NKAIN2: variants seen among roughly 807,000 people sequenced by gnomAD.
NKAIN2 encodes the protein sodium/potassium transporting ATPase interacting 2, also known as sodium/potassium-transporting ATPase subunit beta-1-interacting protein 2.
NKAIN2 carries 14 observed loss-of-function variants against 32.6 expected under a neutral mutation model. The ratio of observed to expected loss-of-function variants is 0.43; its 90% CI spans 0.28 to 0.67. The LOEUF (loss-of-function observed/expected upper bound fraction) is 0.67. NKAIN2 is among the 30% of genes least tolerant of loss of function. NKAIN2 has a pLI of 0.17. For synonymous variants in NKAIN2, 80 were observed against 87.2 expected (o/e 0.92, Z 0.46); for missense variants, 198 against 258.3 (o/e 0.77, Z 1.60).
intron 1 of NKAIN2, among the ~76,000 whole-genome samples, chr6:124,192,456 T>C (rs1173306992): frequency 1.3e-5 from 2 of 152,180 alleles, no homozygotes; most frequent in South Asian, 2.1e-4. Flanking sequence ...AAAGAACATA[T>C]TGTATAAGAC....
chr6:124,488,559 A>T (rs1342148161), intron 3 of NKAIN2, among the ~76,000 whole-genome samples: 1 of 152,004 alleles, frequency 6.6e-6, no homozygotes. Context: ...ATCATTTAAC[A>T]CATCTTTAAC....
intron 3 of NKAIN2, among the ~76,000 whole-genome samples, chr6:124,561,247 G>T (rs1430696586): frequency 1.3e-5 from 2 of 152,172 alleles, no homozygotes; most frequent in Non-Finnish European, 2.9e-5. Context: ...AAAATAATCA[G>T]TTTTAACACA....
intron 3 of NKAIN2, among the ~76,000 whole-genome samples, chr6:124,563,111 G>T (rs530197256): frequency 1.3e-5 from 2 of 151,734 alleles, no homozygotes; most frequent in African/African-American, 4.8e-5. Context: ...TCACTGTGTT[G>T]GCCAGGCTGG....
intron 1 of NKAIN2, among the ~76,000 whole-genome samples, chr6:123,819,589 A>C (rs1370642830): frequency 6.6e-6 from 1 of 152,194 alleles, no homozygotes; most frequent in African/African-American, 2.4e-5. Flanking sequence ...TCCGAGTCTT[A>C]CTTGCTAATT....
intron 4 of NKAIN2, among the ~76,000 whole-genome samples, chr6:124,721,925 C>T (rs749259971): frequency 6.6e-6 from 1 of 152,110 alleles, no homozygotes; most frequent in African/African-American, 2.4e-5. Flanking sequence ...ATCTCCAGAA[C>T]TTTTTTTGTC....
intron 1 of NKAIN2, among the ~76,000 whole-genome samples, chr6:124,148,908 T>C (rs1283849457): frequency 6.6e-6 from 1 of 152,198 alleles, no homozygotes; most frequent in African/African-American, 2.4e-5. Flanking sequence ...TGCATTATAT[T>C]GCATTTCCAC....
intron 3 of NKAIN2, among the ~76,000 whole-genome samples, chr6:124,605,450 A>G (rs1209601280): frequency 6.6e-6 from 1 of 152,112 alleles, no homozygotes; most frequent in Non-Finnish European, 1.5e-5. Context: ...ACAATATGAG[A>G]CTATGTACAA....
intron 1 of NKAIN2, among the ~76,000 whole-genome samples, chr6:124,086,150 A>T (rs1441338821): frequency 6.6e-6 from 1 of 151,968 alleles, no homozygotes; most frequent in Non-Finnish European, 1.5e-5. Context: ...TCATTATCAT[A>T]GGTATCTTCA....
chr6:123,913,007 G>T (rs917417044), intron 1 of NKAIN2, among the ~76,000 whole-genome samples: 4 of 152,138 alleles, frequency 2.6e-5, no homozygotes, highest in African/African-American at 9.7e-5. Context: ...ACCATTGAAG[G>T]CTACTGAAAT....
intron 3 of NKAIN2, chr6:124,490,476 T>C (rs1023169745): frequency 2.2e-5 from 8 of 367,338 alleles, no homozygotes; most frequent in Admixed American, 7.4e-5. Context: ...ATCACATTAA[T>C]AGCTAATGGC....
intron 5 of NKAIN2, among the ~76,000 whole-genome samples, chr6:124,817,140 T>A (rs1781201023): frequency 6.6e-6 from 1 of 152,192 alleles, no homozygotes. Flanking sequence ...AAGGGACACT[T>A]GTTTGACCCA....
chr6:123,966,007 G>C (rs1229077499), intron 1 of NKAIN2, among the ~76,000 whole-genome samples: 1 of 152,162 alleles, frequency 6.6e-6, no homozygotes, highest in African/African-American at 2.4e-5. Context: ...CCAAGGAAAG[G>C]CTGGCTGCTA....
rs147941597 is a variant in NKAIN2, at chr6:123,870,005, C to T, written c.54+65751C>T. On this transcript the variant is annotated intron_variant, in intron 1 of 6. Transcript: ENST00000368417. ...TGATAATCTCTGCAGCATTATATAA[C>T]GAATAACTAGAGTTGGGAATGTAAC... 4.1e-3 allele frequency among the ~76,000 whole-genome samples: 618 copies of T among 152,168 alleles called. 4 individuals are homozygous for T. The highest frequency in any genetic ancestry group is 0.013 in the African/African-American group (559 of 41,508).
rs190921490 is a variant in NKAIN2, at chr6:124,142,896, G to A, written c.55-140109G>A. ...ACAAATTTTGTAAAAAAGAAGTAAA[G>A]CAGTTGGCTAAGATGCAGCAACCGG... On this transcript the variant is annotated intron_variant, in intron 1 of 6. Transcript: ENST00000368417. 7.3e-3 allele frequency among the ~76,000 whole-genome samples: 1,116 copies of A among 152,218 alleles called. 10 individuals carry two copies. The highest frequency in any genetic ancestry group is 0.026 in the African/African-American group (1,079 of 41,550).
chr6:124,097,417 A>AAAG (rs1278777927), intron 1 of NKAIN2, among the ~76,000 whole-genome samples: 1 of 152,132 alleles, frequency 6.6e-6, no homozygotes, highest in African/African-American at 2.4e-5. Flanking sequence ...AAAAAAAAAA[A>AAAG]AAAGTAATTA....
intron 3 of NKAIN2, among the ~76,000 whole-genome samples, chr6:124,617,081 T>A (rs1782935097): frequency 6.6e-6 from 1 of 152,228 alleles, no homozygotes; most frequent in Non-Finnish European, 1.5e-5. Context: ...TTAGGCAAGA[T>A]GTTTATCTGA....
At chr6:124,355,119 G>T (rs551304574) in intron 2 of NKAIN2, 148 bp from the exon 3 acceptor site, 17 of 474,330 alleles carry the variant, frequency 3.6e-5, no homozygotes, top group African/African-American at 1.2e-4. Context: ...AGAGATAAAC[G>T]TACATCTAAT....
At chr6:124,808,889 C>T (rs1009538261) in intron 5 of NKAIN2, among the ~76,000 whole-genome samples, 1 of 152,112 alleles carries the variant, frequency 6.6e-6, no homozygotes, top group African/African-American at 2.4e-5. Context: ...ACAATTGCTT[C>T]AAAGAGAATA....
intron 3 of NKAIN2, among the ~76,000 whole-genome samples, chr6:124,459,881 T>C (rs1243403873): frequency 1.3e-5 from 2 of 151,848 alleles, no homozygotes; most frequent in Non-Finnish European, 2.9e-5. Context: ...TTATATTTAT[T>C]GTCATTACTG....
Sources: allele counts gnomAD v4.1 joint callset (sites outside exome capture counted in the v4.1 genomes callset), GRCh38; gene constraint gnomAD v4.1.1; transcripts MANE v1.5; gene names NCBI Gene and HGNC (gene_info 2026-07-23, HGNC 2026-07-21).